The following DLGAP2 variants were observed in gnomAD, a reference collection of about 807,000 sequenced individuals.
The protein encoded by DLGAP2 is disks large-associated protein 2.
Under a neutral mutation model 100.3 loss-of-function variants are expected in DLGAP2, and 26 were observed. The observed-to-expected ratio is 0.26, with a 90% CI of 0.19 to 0.36. The LOEUF (loss-of-function observed/expected upper bound fraction) is 0.36. Among genes scored for constraint, DLGAP2 ranks in the 10% least tolerant of loss-of-function variants. The pLI, the probability that DLGAP2 is intolerant of heterozygous loss-of-function variation, is 1.00. For synonymous variants in DLGAP2, 886 were observed against 630.1 expected (o/e 1.41, Z -6.08); for missense variants, 1,858 against 1,453.2 (o/e 1.28, Z -4.53).
At chr8:1,638,231 C>G (rs183290483) in intron 8 of DLGAP2, among the ~76,000 whole-genome samples, 9 of 152,242 alleles carry the variant, frequency 5.9e-5, no homozygotes, top group Non-Finnish European at 1.0e-4. Context: ...GAGAATGTGA[C>G]TGCGTTTCAG....
At position 898,700 on chromosome 8, in the gene DLGAP2, C is replaced by G. The variant is rs978258947; in HGVS notation, c.19-9212C>G. ...GACCTCTGGTCCTGCATTCCCAGCT[C>G]TAAGAAGGCCCTCCATCTGCTCTTT... is the stretch of plus-strand genomic sequence containing the variant. On this transcript the variant is annotated intron_variant, in intron 1 of 14. Transcript: ENST00000637795. Among the ~76,000 whole-genome samples the G allele has an allele frequency of 5.9e-5, 9 of 152,280 alleles. No individual in the cohort carries two copies. In the East Asian group the frequency reaches 1.7e-3, roughly 29 times the overall value.
At chr8:1,063,192 A>G (rs1005553903) in intron 2 of DLGAP2, among the ~76,000 whole-genome samples, 5 of 152,214 alleles carry the variant, frequency 3.3e-5, no homozygotes, top group African/African-American at 9.6e-5. Flanking sequence ...GTGCTGCCAT[A>G]TATTTGTCAT....
chr8:1,097,117 CA>C (rs1804402610), intron 2 of DLGAP2, among the ~76,000 whole-genome samples: 1 of 111,202 alleles, frequency 9.0e-6, no homozygotes, highest in African/African-American at 3.8e-5. Context: ...GCTGGGAGCC[CA>C]GGGCAGGCCT....
At chr8:1,436,000 A>T (rs960753807) in intron 3 of DLGAP2, among the ~76,000 whole-genome samples, 1 of 152,220 alleles carries the variant, frequency 6.6e-6, no homozygotes, top group Non-Finnish European at 1.5e-5. Flanking sequence ...CAAGAGAGTC[A>T]AACAGTTTTA....
intron 1 of DLGAP2, among the ~76,000 whole-genome samples, chr8:745,372 G>A (rs1585816147): frequency 6.6e-6 from 1 of 152,180 alleles, no homozygotes; most frequent in Admixed American, 6.5e-5. Flanking sequence ...GAAACAAAAT[G>A]TTCTAGGTTG....
At chr8:1,578,453 CT>C (rs2130629469) in intron 6 of DLGAP2, among the ~76,000 whole-genome samples, 1 of 152,274 alleles carries the variant, frequency 6.6e-6, no homozygotes, top group South Asian at 2.1e-4. Context: ...GTCAGCAGTT[CT>C]TTTTTGACTG....
chr8:1,528,290 C>G (rs1043736949), intron 4 of DLGAP2, among the ~76,000 whole-genome samples: 2 of 152,316 alleles, frequency 1.3e-5, no homozygotes, highest in Non-Finnish European at 2.9e-5. Context: ...GGACAAGTAT[C>G]CCAGGAGGAC....
chr8:941,580 GA>G (rs934753815), intron 2 of DLGAP2, among the ~76,000 whole-genome samples: 2 of 152,104 alleles, frequency 1.3e-5, no homozygotes, highest in African/African-American at 2.4e-5. Context: ...GGCGCTATTG[GA>G]AAAAATAACA....
At chr8:957,681 T>G (rs1250891632) in intron 2 of DLGAP2, among the ~76,000 whole-genome samples, 1 of 152,260 alleles carries the variant, frequency 6.6e-6, no homozygotes, top group Non-Finnish European at 1.5e-5. Flanking sequence ...GTATCTCTAA[T>G]GCCTTACCCT....
At chr8:1,243,079 G>C (rs13266573) in intron 2 of DLGAP2, among the ~76,000 whole-genome samples, 144,583 of 152,254 alleles carry the variant, frequency 0.95, 68,744 homozygotes, top group Middle Eastern at 0.99. Context: ...CCCATGTTGC[G>C]TTACTTTGTT....
At chr8:1,057,594 C>A (rs1681197538) in intron 2 of DLGAP2, among the ~76,000 whole-genome samples, 1 of 152,182 alleles carries the variant, frequency 6.6e-6, no homozygotes. Context: ...AGATTAGAAA[C>A]CTCTATTCTA....
intron 2 of DLGAP2, among the ~76,000 whole-genome samples, chr8:1,205,108 G>A (rs544338166): frequency 9.9e-5 from 15 of 152,206 alleles, no homozygotes; most frequent in African/African-American, 3.1e-4. Flanking sequence ...TCAAGGAGGG[G>A]CCAGGTGGGA....
chr8:1,442,571 C>T (rs1484378125), intron 3 of DLGAP2, among the ~76,000 whole-genome samples: 1 of 138,540 alleles, frequency 7.2e-6, no homozygotes, highest in Non-Finnish European at 1.5e-5. Flanking sequence ...GTAGACCCGC[C>T]AGGCTGCTGT....
rs1405670513 is a variant in DLGAP2, at chr8:1,658,265, C to T, written c.1811-10064C>T. 2.6e-5 allele frequency among the ~76,000 whole-genome samples: 4 copies of T among 152,130 alleles called. No homozygotes were observed. In the South Asian group the frequency reaches 6.2e-4, roughly 24 times the overall value. ...GACAAGCAAAAGCGAGCAGGAGATG[C>T]CATATTGAATGTACCTGGCTTCCAG... On this transcript the variant is annotated intron_variant, in intron 8 of 14. Transcript: ENST00000637795.
intron 6 of DLGAP2, among the ~76,000 whole-genome samples, chr8:1,616,085 A>G (rs186065129): frequency 4.9e-4 from 74 of 152,362 alleles, no homozygotes; most frequent in African/African-American, 1.7e-3. Context: ...TGAATTTTCA[A>G]GAACAGAAAA....
At chr8:912,445 T>TG (rs1280118967) in intron 2 of DLGAP2, among the ~76,000 whole-genome samples, 1 of 152,196 alleles carries the variant, frequency 6.6e-6, no homozygotes, top group Non-Finnish European at 1.5e-5. Flanking sequence ...GTTTATCAAC[T>TG]GACTTTCCGA....
chr8:1,053,237 C>G (rs116357589), intron 2 of DLGAP2, among the ~76,000 whole-genome samples: 2,442 of 152,278 alleles, frequency 0.016, 75 homozygotes, highest in African/African-American at 0.055. Context: ...CTCCTGGTGA[C>G]TGGCCAGTCT....
intron 3 of DLGAP2, among the ~76,000 whole-genome samples, chr8:1,296,388 C>A (rs4976871): frequency 5.3e-5 from 8 of 151,990 alleles, no homozygotes; most frequent in South Asian, 2.1e-4. Flanking sequence ...CTGCATGTGC[C>A]TTGTAACTTC....
At chr8:1,196,753 G>A (rs1339495718) in intron 2 of DLGAP2, among the ~76,000 whole-genome samples, 3 of 152,190 alleles carry the variant, frequency 2.0e-5, no homozygotes, top group South Asian at 4.1e-4. Context: ...GTAGGAGCCT[G>A]TGCCTCCTGG....
Sources: gnomAD v4.1 joint callset for allele counts (sites outside exome capture counted in the v4.1 genomes callset) on GRCh38, gnomAD v4.1.1 for gene constraint, MANE v1.5 for transcripts, NCBI Gene and HGNC (gene_info 2026-07-23, HGNC 2026-07-21) for gene names.